The following SYNDIG1L variants were observed in gnomAD, a reference collection of about 807,000 sequenced individuals.
SYNDIG1L encodes synapse differentiation-inducing gene protein 1-like.
Under a neutral mutation model 20.1 loss-of-function variants are expected in SYNDIG1L, and 13 were observed. The observed-to-expected ratio is 0.65, with a 90% CI of 0.42 to 1.03. The LOEUF (loss-of-function observed/expected upper bound fraction) is 1.03. SYNDIG1L is among the 50% of genes least tolerant of loss of function. SYNDIG1L has a pLI of 0.00. For synonymous variants in SYNDIG1L, 128 were observed against 129.3 expected (o/e 0.99, Z 0.07); for missense variants, 294 against 305.1 (o/e 0.96, Z 0.27).
At position 74,425,080 on chromosome 14, in the gene SYNDIG1L, C is replaced by T. The variant is rs151178536; in HGVS notation, c.-58+832G>A. ...CAAGGGTAGGCCAATTCTTCCTCCA[C>T]GCAGTTTTATTTTGATCGCTACATT... On this transcript the variant is annotated intron_variant, in intron 1 of 3. Transcript: ENST00000331628. 8.2e-4 allele frequency among the ~76,000 whole-genome samples: 125 copies of T among 152,302 alleles called. 1 individual carries two copies. The highest frequency in any genetic ancestry group is 2.9e-3 in the African/African-American group (119 of 41,544).
chr14:74,424,233 CA>C (rs760347753), intron 1 of SYNDIG1L, among the ~76,000 whole-genome samples: 16 of 152,168 alleles, frequency 1.1e-4, no homozygotes, highest in Non-Finnish European at 2.1e-4. Context: ...TCATCTAGCC[CA>C]ACTCTCTTCT....
chr14:74,471,191 G>A, the SYNDIG1L span, among the ~76,000 whole-genome samples: 1 of 152,154 alleles, frequency 6.6e-6, no homozygotes, highest in Non-Finnish European at 1.5e-5. Flanking sequence ...TCCTGGAGTA[G>A]TTTAGACACA....
chr14:74,448,391 A>G, the SYNDIG1L span, among the ~76,000 whole-genome samples: 2 of 152,194 alleles, frequency 1.3e-5, no homozygotes, highest in Non-Finnish European at 2.9e-5. Flanking sequence ...AAAGAATATT[A>G]CCAGAGATAA....
chr14:74,474,899 A>C, the SYNDIG1L span: 1 of 152,252 alleles, frequency 6.6e-6, no homozygotes, highest in South Asian at 2.1e-4. Flanking sequence ...TATTAAAAAA[A>C]TTCATTAAAC....
At chr14:74,408,161 T>G (rs2086099822) in intron 2 of SYNDIG1L, among the ~76,000 whole-genome samples, 172 bp from the exon 3 acceptor site, 1 of 152,198 alleles carries the variant, frequency 6.6e-6, no homozygotes, top group African/African-American at 2.4e-5. Context: ...ACCAAAAGCC[T>G]TAACAATGGC....
chr14:74,416,132 C>A (rs58569460), intron 1 of SYNDIG1L, among the ~76,000 whole-genome samples: 17,064 of 151,914 alleles, frequency 0.11, 2,033 homozygotes, highest in African/African-American at 0.3. Flanking sequence ...CAGAATTGTT[C>A]TCTCTCTTTT....
the SYNDIG1L span, among the ~76,000 whole-genome samples, chr14:74,470,178 TA>T: frequency 3.3e-3 from 486 of 145,474 alleles, no homozygotes; most frequent in African/African-American, 6.5e-3. Context: ...CTTCCCTTTT[TA>T]AAAAAAAAAA....
At chr14:74,450,303 T>G in the SYNDIG1L span, among the ~76,000 whole-genome samples, 1 of 152,126 alleles carries the variant, frequency 6.6e-6, no homozygotes, top group African/African-American at 2.4e-5. Flanking sequence ...GATGAAGCAA[T>G]ACCAATTCTA....
intron 1 of SYNDIG1L, among the ~76,000 whole-genome samples, chr14:74,412,145 C>T (rs889712340): frequency 2.0e-5 from 3 of 152,174 alleles, no homozygotes; most frequent in Non-Finnish European, 2.9e-5. Flanking sequence ...TACAGGGAAC[C>T]CCTTGGATTA....
rs146550815 is a variant in SYNDIG1L, at chr14:74,422,127, G to A, written c.-58+3785C>T. 3.3e-3 allele frequency among the ~76,000 whole-genome samples: 498 copies of A among 152,314 alleles called. 3 individuals are homozygous for A. Among genetic ancestry groups the A allele is most frequent in the Admixed American group, 6.7e-3 (103 of 15,308 alleles). On this transcript the variant is annotated intron_variant, in intron 1 of 3. Coordinates refer to ENST00000331628, the MANE Select transcript of SYNDIG1L (RefSeq NM_001105579.2). ...GAAGCAGCTCATTCCCAACCACTTAGAAGCAAACAGCACATCTAATGGCGG... is the reference window on the plus strand; with the variant it reads ...GAAGCAGCTCATTCCCAACCACTTAAAAGCAAACAGCACATCTAATGGCGG...
chr14:74,476,081 A>G, the SYNDIG1L span: 4 of 220,696 alleles, frequency 1.8e-5, no homozygotes, highest in Admixed American at 2.1e-4. Context: ...AACAGAAAAG[A>G]ATCTTACAAG....
the SYNDIG1L span, among the ~76,000 whole-genome samples, chr14:74,449,295 A>G: frequency 1.3e-5 from 2 of 151,682 alleles, no homozygotes; most frequent in Non-Finnish European, 1.5e-5. Context: ...AATGACAATA[A>G]AACACATCAA....
chr14:74,469,341 T>G, the SYNDIG1L span, among the ~76,000 whole-genome samples: 2 of 115,338 alleles, frequency 1.7e-5, no homozygotes, highest in Non-Finnish European at 3.3e-5. Context: ...GGACACAGGG[T>G]GGGGAACATC....
At chr14:74,471,466 C>T in the SYNDIG1L span, among the ~76,000 whole-genome samples, 1 of 152,048 alleles carries the variant, frequency 6.6e-6, no homozygotes, top group South Asian at 2.1e-4. Flanking sequence ...GGTGTGGTGG[C>T]ACACACCTGA....
chr14:74,477,046 A>G, the SYNDIG1L span, among the ~76,000 whole-genome samples: 9 of 38,448 alleles, frequency 2.3e-4, no homozygotes, highest in African/African-American at 9.5e-4. Context: ...CCCAACACAC[A>G]CACACACACA....
chr14:74,417,990 A>C (rs2086190478), intron 1 of SYNDIG1L, among the ~76,000 whole-genome samples: 1 of 152,224 alleles, frequency 6.6e-6, no homozygotes, highest in Admixed American at 6.5e-5. Flanking sequence ...AACAAGAGAG[A>C]TTGCTTTTAA....
chr14:74,443,866 C>T, the SYNDIG1L span, among the ~76,000 whole-genome samples: 1 of 152,108 alleles, frequency 6.6e-6, no homozygotes, highest in African/African-American at 2.4e-5. Context: ...AGGGGGATGA[C>T]TTCCCTAGGA....
At chr14:74,435,741 A>G in the SYNDIG1L span, among the ~76,000 whole-genome samples, 1 of 152,204 alleles carries the variant, frequency 6.6e-6, no homozygotes, top group Non-Finnish European at 1.5e-5. Context: ...TGGGGCTCAC[A>G]CTAAATCTTC....
At chr14:74,452,663 A>G in the SYNDIG1L span, among the ~76,000 whole-genome samples, 4 of 152,230 alleles carry the variant, frequency 2.6e-5, no homozygotes, top group African/African-American at 9.6e-5. Context: ...CAAACACTTT[A>G]GAAAACAGTT....
Sources: gnomAD v4.1 joint callset for allele counts (sites outside exome capture counted in the v4.1 genomes callset) on GRCh38, gnomAD v4.1.1 for gene constraint, MANE v1.5 for transcripts, NCBI Gene and HGNC (gene_info 2026-07-23, HGNC 2026-07-21) for gene names.